GRAMD4: variants seen among roughly 807,000 people sequenced by gnomAD.
GRAMD4 encodes the protein GRAM domain containing 4.
In GRAMD4, 25 loss-of-function variants were observed where a neutral mutation model predicts 83.9. That is an observed-to-expected ratio of 0.30 (90% CI 0.22 to 0.42). GRAMD4 has a LOEUF of 0.42. Among genes scored for constraint, GRAMD4 ranks in the 10% least tolerant of loss-of-function variants. The probability of loss-of-function intolerance (pLI) is 1.00; values close to 1 mark genes in which losing one functional copy is unlikely to be tolerated. For synonymous variants in GRAMD4, 336 were observed against 320.9 expected (o/e 1.05, Z -0.50); for missense variants, 593 against 788.7 (o/e 0.75, Z 2.97).
intron 5 of GRAMD4, among the ~76,000 whole-genome samples, chr22:46,662,817 T>C (rs1252129257): frequency 6.6e-6 from 1 of 152,152 alleles, no homozygotes; most frequent in African/African-American, 2.4e-5. Context: ...GCAGCTCTGC[T>C]GTGTGCCGGT....
chr22:46,610,374 C>T (rs562922600), intron 1 of GRAMD4, among the ~76,000 whole-genome samples: 13 of 152,312 alleles, frequency 8.5e-5, no homozygotes, highest in Non-Finnish European at 1.9e-4. Context: ...AGTGACAGCC[C>T]ACGGACCACA....
At chr22:46,657,237 C>T (rs535669452) in intron 3 of GRAMD4, among the ~76,000 whole-genome samples, 1 of 152,314 alleles carries the variant, frequency 6.6e-6, no homozygotes, top group South Asian at 2.1e-4. Flanking sequence ...GACCTGTGGG[C>T]GTTCACAGGT....
At chr22:46,587,908 G>A in intron 1 of GRAMD4, 1 of 985,340 alleles carries the variant, frequency 1.0e-6, no homozygotes, top group Non-Finnish European at 1.2e-6. Context: ...CAGGGCTCCT[G>A]ATCCTCCCCG....
At chr22:46,646,536 T>C (rs561344396) in intron 3 of GRAMD4, among the ~76,000 whole-genome samples, 1 of 152,296 alleles carries the variant, frequency 6.6e-6, no homozygotes, top group East Asian at 1.9e-4. Context: ...TTCCTTACCA[T>C]TGAAGTCTTC....
rs1026368303 is a variant in GRAMD4 at position 46,595,129 on chromosome 22, C to T, written c.-50+17839C>T. On this transcript the variant is annotated intron_variant, in intron 1 of 1. Transcript: ENST00000431155. ...CGGCCCGGGGGGAGAGTGTGCCTTT[C>T]CCCTGGAGACACACAGGGTGGGGGA... Among the ~76,000 whole-genome samples the T allele has an allele frequency of 9.2e-5, 14 of 152,202 alleles. 1 individual carries two copies. The highest frequency in any genetic ancestry group is 5.9e-4 in the Admixed American group (9 of 15,292).
intron 2 of GRAMD4, among the ~76,000 whole-genome samples, chr22:46,629,119 G>T (rs540812464): frequency 6.6e-6 from 1 of 152,224 alleles, no homozygotes; most frequent in East Asian, 1.9e-4. Flanking sequence ...CAGGGACTCG[G>T]ACGTCTGGAA....
At chr22:46,613,363 C>T (rs1245113310) in intron 1 of GRAMD4, among the ~76,000 whole-genome samples, 1 of 152,224 alleles carries the variant, frequency 6.6e-6, no homozygotes, top group Non-Finnish European at 1.5e-5. Context: ...GTCCACTCCT[C>T]GAGGCTCTCC....
At chr22:46,653,254 G>C (rs541610561) in intron 3 of GRAMD4, among the ~76,000 whole-genome samples, 44 of 152,384 alleles carry the variant, frequency 2.9e-4, no homozygotes, top group Admixed American at 2.4e-3. Context: ...CGGGAGCCAG[G>C]CATCCTTTGG....
At chr22:46,608,716 A>T (rs892478166) in intron 1 of GRAMD4, among the ~76,000 whole-genome samples, 1 of 151,224 alleles carries the variant, frequency 6.6e-6, no homozygotes, top group African/African-American at 2.4e-5. Context: ...CAATATATAT[A>T]TTTTTTTCTT....
At chr22:46,682,407 A>G, downstream of GRAMD4, 1 of 984,708 alleles carries the variant, frequency 1.0e-6, no homozygotes, top group Non-Finnish European at 1.2e-6. Flanking sequence ...CCCGAAATTC[A>G]CAGGTAAATC....
chr22:46,602,608 GCTGTGATCGTACCACTGCACTCCAGC>G (rs1374048309), intron 1 of GRAMD4, among the ~76,000 whole-genome samples: 2 of 151,880 alleles, frequency 1.3e-5, no homozygotes, highest in Non-Finnish European at 2.9e-5. Flanking sequence ...ACTGCGGTGA[GCTGTGATCGTACCACTGCACTCCAGC>G]CTGGGTGACA....
intron 1 of GRAMD4, among the ~76,000 whole-genome samples, chr22:46,603,783 T>A (rs1441520131): frequency 6.6e-6 from 1 of 152,044 alleles, no homozygotes; most frequent in Non-Finnish European, 1.5e-5. Context: ...CCCAAAGTGC[T>A]GGGATTACAG....
At chr22:46,648,935 CATGGATGGATGGATGGATGG>C (rs57053112) in intron 3 of GRAMD4, among the ~76,000 whole-genome samples, 6 of 45,500 alleles carry the variant, frequency 1.3e-4, no homozygotes, top group Middle Eastern at 9.3e-3. Flanking sequence ...TGGATGGATG[CATGGATGGATGGATGGATGG>C]ATGGATGGAT....
chr22:46,647,671 C>T lies in GRAMD4; in HGVS notation c.283+9711C>T, dbSNP rs188580059. On this transcript the variant is annotated intron_variant, in intron 3 of 18. Coordinates refer to ENST00000406902, the MANE Select transcript of GRAMD4 (RefSeq NM_015124.5). Reference sequence around the variant, plus strand: ...TTGAATTCCATGGGAAGTGTTAAGTCGGGAACCACTGCCCACCTCTGTGAC... The same window carrying T: ...TTGAATTCCATGGGAAGTGTTAAGTTGGGAACCACTGCCCACCTCTGTGAC... Among the ~76,000 whole-genome samples, 256 of 152,356 alleles carry T rather than the reference C, an allele frequency of 1.7e-3. 1 individual carries two copies. Among genetic ancestry groups the T allele is most frequent in the Non-Finnish European group, 3.1e-3 (208 of 68,032 alleles).
chr22:46,665,480 ATCC>A, intron 8 of GRAMD4, 132 bp from the exon 9 acceptor site: 1 of 604,714 alleles, frequency 1.7e-6, no homozygotes, highest in Non-Finnish European at 3.0e-6. Flanking sequence ...ACGCACCCTC[ATCC>A]CTGAGTGTCT....
intron 13 of GRAMD4, among the ~76,000 whole-genome samples, chr22:46,671,452 C>T (rs1326052689): frequency 6.6e-6 from 1 of 151,834 alleles, no homozygotes; most frequent in Non-Finnish European, 1.5e-5. Context: ...CCAGCCTGGG[C>T]GACAGAGCAA....
downstream of GRAMD4, chr22:46,682,527 GCGACGAGGGCGC>G (rs1381606035): frequency 5.1e-5 from 38 of 740,776 alleles, no homozygotes; most frequent in Non-Finnish European, 6.1e-5. Flanking sequence ...CCTCGGGACT[GCGACGAGGGCGC>G]CCGCCCAGTG....
Position 46,621,945 on chromosome 22 carries a change from GC to G in GRAMD4, c.-50+1381del, listed in dbSNP as rs1168859259. Among the ~76,000 whole-genome samples the G allele has an allele frequency of 2.0e-5, 3 of 152,218 alleles. No homozygotes were observed. Among genetic ancestry groups the G allele is most frequent in the Non-Finnish European group, 4.4e-5 (3 of 68,036 alleles). On this transcript the variant is annotated intron_variant, in intron 1 of 18. Transcript: ENST00000406902. This position sits in a 1 kb window ranked among gnomAD's most constrained non-coding sequence, Gnocchi z 5.8. Reference sequence around the variant, plus strand: ...GGTGGTGGAGTCAGTGGGGCTGAGAGCAGGGTCGTCTAGGACCCTGATGTGT... The same window carrying G: ...GGTGGTGGAGTCAGTGGGGCTGAGAGAGGGTCGTCTAGGACCCTGATGTGT...
At position 46,629,204 on chromosome 22, in the gene GRAMD4, T is replaced by G. The variant is rs114891783; in HGVS notation, c.162+2243T>G. Among the ~76,000 whole-genome samples the G allele has an allele frequency of 4.2e-3, 641 of 152,240 alleles. 3 individuals are homozygous for G. The highest frequency in any genetic ancestry group is 0.015 in the African/African-American group (604 of 41,508). On this transcript the variant is annotated intron_variant, in intron 2 of 18. Transcript: ENST00000406902. The stretch of plus-strand genomic sequence containing the variant: ...TGCTGAATGCAGGTCAGGCACTGAC[T>G]GCAGAGACCAGGCTGAGTTCCTTAG...
Sources: allele counts gnomAD v4.1 joint callset (sites outside exome capture counted in the v4.1 genomes callset), GRCh38; gene constraint gnomAD v4.1.1; non-coding constraint Gnocchi (gnomAD v3.1); transcripts MANE v1.5; gene names NCBI Gene and HGNC (gene_info 2026-07-23, HGNC 2026-07-21).